The following SNAPC4 variants were observed in gnomAD, a reference collection of about 807,000 sequenced individuals.
SNAPC4 encodes snRNA-activating protein complex subunit 4.
In SNAPC4, 127 loss-of-function variants were observed where a neutral mutation model predicts 151.3. That is an observed-to-expected ratio of 0.84 (90% CI 0.73 to 0.97). SNAPC4 has a LOEUF of 0.97. SNAPC4 is among the 50% of genes least tolerant of loss of function. The pLI, the probability that SNAPC4 is intolerant of heterozygous loss-of-function variation, is 0.00. For missense variants in SNAPC4, 2,186 were observed against 1,935.0 expected (o/e 1.13, Z -2.43); for synonymous variants, 1,002 against 824.4 (o/e 1.22, Z -3.69).
intron 1 of SNAPC4, among the ~76,000 whole-genome samples, chr9:136,399,015 C>T (rs1328582792): frequency 6.6e-6 from 1 of 152,226 alleles, no homozygotes; most frequent in South Asian, 2.1e-4. Flanking sequence ...TCCAGAACAA[C>T]GCCTGGAACG....
Position 136,380,510 on chromosome 9 carries a change from G to A in SNAPC4, c.2499+230C>T, listed in dbSNP as rs570546794. 2.6e-5 allele frequency among the ~76,000 whole-genome samples: 4 copies of A among 152,338 alleles called. No individual in the cohort carries two copies. In the East Asian group the frequency reaches 7.7e-4, roughly 29 times the overall value. ...GCGCCCATGTCCATGACCGCCCAGCGGGGCTATGGGGGAAAACAGGCACGT... is the reference window on the plus strand; with the variant it reads ...GCGCCCATGTCCATGACCGCCCAGCAGGGCTATGGGGGAAAACAGGCACGT... On this transcript the variant is annotated intron_variant, in intron 20 of 23. Transcript: ENST00000684778.
At chr9:136,388,724 C>CCT in intron 10 of SNAPC4, 133 bp from the exon 11 acceptor site, 1 of 972,104 alleles carries the variant, frequency 1.0e-6, no homozygotes, top group Non-Finnish European at 1.6e-6. Context: ...CAGCTCTCCT[C>CCT]CTCCCAGACT....
chr9:136,380,016 T>G, intron 20 of SNAPC4, 152 bp from the exon 21 acceptor site: 1 of 1,454,130 alleles, frequency 6.9e-7, no homozygotes, highest in Non-Finnish European at 9.5e-7. Context: ...CTGTAGGAAC[T>G]CCGGGGCCAC....
intron 10 of SNAPC4, among the ~76,000 whole-genome samples, chr9:136,390,015 A>C (rs150936451): frequency 6.6e-6 from 1 of 152,172 alleles, no homozygotes; most frequent in Non-Finnish European, 1.5e-5. Context: ...TGGATGGAAG[A>C]CAGTTGAATT....
At position 136,377,804 on chromosome 9, in the gene SNAPC4, G is replaced by A. The variant is rs199498252; in HGVS notation, c.4023C>T (p.Ala1341=). 193 of 1,611,644 alleles carry A rather than the reference G, an allele frequency of 1.2e-4. 1 individual carries two copies. The highest frequency in any genetic ancestry group is 2.4e-4 in the South Asian group (22 of 91,058). Residue 1341 remains alanine (A), a synonymous_variant, in exon 22 of 24, where the codon GCC becomes GCT. Coordinates refer to ENST00000684778, the MANE Select transcript of SNAPC4 (RefSeq NM_003086.4). Reference sequence around the variant, plus strand: ...GCCCCAGTGAGGCTTGCAGTGCTCCGGCCGGCCGCTCAGCCTCGCCCCCCA... The same window carrying A: ...GCCCCAGTGAGGCTTGCAGTGCTCCAGCCGGCCGCTCAGCCTCGCCCCCCA... ...LVVGGEAERP[A]GALQASLGLV... is the part of the protein sequence containing the mutation.
chr9:136,388,109 A>C (rs1020335907), intron 11 of SNAPC4, among the ~76,000 whole-genome samples: 7 of 152,136 alleles, frequency 4.6e-5, no homozygotes, highest in African/African-American at 1.4e-4. Context: ...CTCTACTAAA[A>C]ATACAAAATT....
At position 136,389,433 on chromosome 9, in the gene SNAPC4, C is replaced by T. The variant is rs188172210; in HGVS notation, c.976-842G>A. On this transcript the variant is annotated intron_variant, in intron 10 of 23. Coordinates refer to ENST00000684778, the MANE Select transcript of SNAPC4 (RefSeq NM_003086.4). The stretch of plus-strand genomic sequence containing the variant: ...GGGCACGCAGAGCTGGATGTGGTGC[C>T]GCTGAGCTGTGAGTTTTGCTTCCAA... 2.9e-3 allele frequency among the ~76,000 whole-genome samples: 442 copies of T among 152,214 alleles called. 13 individuals are homozygous for T. The highest frequency in any genetic ancestry group is 0.027 in the Admixed American group (414 of 15,282).
chr9:136,393,818 G>A (rs1031739847), intron 7 of SNAPC4, among the ~76,000 whole-genome samples: 3 of 152,246 alleles, frequency 2.0e-5, no homozygotes, highest in African/African-American at 4.8e-5. Flanking sequence ...ATCTCTCCAT[G>A]GCCTGGCAAG....
At chr9:136,399,168 A>C (rs1356288725) in intron 1 of SNAPC4, among the ~76,000 whole-genome samples, 4 of 152,262 alleles carry the variant, frequency 2.6e-5, no homozygotes, top group African/African-American at 9.6e-5. Context: ...TCACTAGCAC[A>C]GACCCGGGAG....
In SNAPC4 at chr9:136,383,344, C is replaced by T; in HGVS notation, c.1825G>A (p.Gly609Ser). 2 of 1,609,210 alleles carry T rather than the reference C, an allele frequency of 1.2e-6. No individual in the cohort carries two copies. Among genetic ancestry groups the T allele is most frequent in the Non-Finnish European group, 1.7e-6 (2 of 1,178,366 alleles). Residue 609 changes from glycine (G) to serine (S), a missense_variant, in exon 16 of 24, where the codon GGC becomes AGC. Coordinates refer to ENST00000684778, the MANE Select transcript of SNAPC4 (RefSeq NM_003086.4). This position sits in a 1 kb window ranked among gnomAD's most constrained non-coding sequence, Gnocchi z 4.2. ...SPPKGSSASQ[G>S]GSKEASTTAA... Reference sequence around the variant, plus strand: ...GTGGTGGAAGCTTCCTTGCTGCCGCCCTGGCTGGCACTGGACCCCTTGGGA... The same window carrying T: ...GTGGTGGAAGCTTCCTTGCTGCCGCTCTGGCTGGCACTGGACCCCTTGGGA...
chr9:136,377,935 CCAG>C lies in SNAPC4; in HGVS notation c.3889_3891del (p.Leu1297del). On this transcript the variant is annotated inframe_deletion, in exon 22 of 24. Transcript: ENST00000684778. ...GGGGGCTGATAGGGCAGTCTGCTGCCCAGAAGAGGCACACGCACCCCCCGCTGG... is the reference window on the plus strand; with the variant it reads ...GGGGGCTGATAGGGCAGTCTGCTGCCAAGAGGCACACGCACCCCCCGCTGG... 1 of 1,607,504 alleles carries C rather than the reference CCAG, an allele frequency of 6.2e-7. No individual in the cohort carries two copies. The highest frequency in any genetic ancestry group is 1.1e-5 in the South Asian group (1 of 90,992).
chr9:136,398,499 T>C, intron 1 of SNAPC4, 62 bp from the exon 2 acceptor site: 2 of 1,575,420 alleles, frequency 1.3e-6, no homozygotes, highest in Non-Finnish European at 1.7e-6. Flanking sequence ...CCCATTCTCC[T>C]TCAGACACAC....
At chr9:136,388,764 T>G (rs73670247) in intron 10 of SNAPC4, among the ~76,000 whole-genome samples, 173 bp from the exon 11 acceptor site, 1 of 152,134 alleles carries the variant, frequency 6.6e-6, no homozygotes, top group Non-Finnish European at 1.5e-5. Context: ...CACCCCACGG[T>G]AGGAAGACAA....
In SNAPC4 at chr9:136,382,369, G is replaced by A. The variant is rs374285118; in HGVS notation, c.1984-33C>T. 21 of 1,585,236 alleles carry A rather than the reference G, an allele frequency of 1.3e-5. No homozygotes were observed. The African/African-American group carries it at 1.5e-4, about 11-fold the overall frequency. ...GAAAGCTGCCTGAGGCGAGGCACGC[G>A]GGGTGTACGGGACACATGGGGGCCC... On this transcript the variant is annotated intron_variant, in intron 16 of 23. Transcript: ENST00000684778.
chr9:136,394,856 G>A lies in SNAPC4; in HGVS notation c.494C>T (p.Thr165Ile), dbSNP rs139211915. The A allele has an allele frequency of 1.2e-5, 19 of 1,613,780 alleles. No individual in the cohort carries two copies. The African/African-American group carries it at 1.9e-4, about 16-fold the overall frequency. Residue 165 changes from threonine (T) to isoleucine (I), a missense_variant, in exon 6 of 24, where the codon ACA becomes ATA. Transcript: ENST00000684778. ...GATCCCCTGGGCAGCCTTCTCTCGT[G>A]TGTCCTCGTTGGCAGGTGGCCCCTG... ...TGVGPPANED[T>I]REKAAQGIKA... is the part of the protein sequence containing the mutation.
intron 2 of SNAPC4, among the ~76,000 whole-genome samples, chr9:136,398,052 C>G (rs1219359495): frequency 1.3e-5 from 2 of 152,090 alleles, no homozygotes; most frequent in East Asian, 3.9e-4. Context: ...CTGGTCCAAG[C>G]AGCACCAGCC....
At chr9:136,397,915 G>C (rs1273332837) in intron 2 of SNAPC4, among the ~76,000 whole-genome samples, 1 of 152,056 alleles carries the variant, frequency 6.6e-6, no homozygotes, top group Non-Finnish European at 1.5e-5. Flanking sequence ...GCCAGGCCCA[G>C]ACCCTGGGAT....
intron 1 of SNAPC4, among the ~76,000 whole-genome samples, chr9:136,399,015 C>A (rs1328582792): frequency 6.6e-6 from 1 of 152,226 alleles, no homozygotes; most frequent in South Asian, 2.1e-4. Flanking sequence ...TCCAGAACAA[C>A]GCCTGGAACG....
rs1399912029 is a variant in SNAPC4 at position 136,378,825 on chromosome 9, G to C, written c.3002C>G (p.Pro1001Arg). The C allele has an allele frequency of 6.3e-7, 1 of 1,598,660 alleles. No homozygotes were observed. Among genetic ancestry groups the C allele is most frequent in the Non-Finnish European group, 8.5e-7 (1 of 1,172,438 alleles). ...CAGGGCAGGGGCTTGGGAAGCAGCA[G>C]GGGCTGTGCCCTCGGCCTCTGAGAA... ...PVFSEAEGTAPAASQAPALGP... is the reference protein window; with the variant it reads ...PVFSEAEGTARAASQAPALGP... The change falls in exon 22 of 24, where the codon CCT (proline) becomes CGT (arginine). Residue 1001 changes from proline (P) to arginine (R), a missense_variant. Coordinates refer to ENST00000684778, the MANE Select transcript of SNAPC4 (RefSeq NM_003086.4).
Sources: gnomAD v4.1 joint callset for allele counts (sites outside exome capture counted in the v4.1 genomes callset) on GRCh38, gnomAD v4.1.1 for gene constraint, Gnocchi (gnomAD v3.1) non-coding constraint, MANE v1.5 for transcripts, NCBI Gene and HGNC (gene_info 2026-07-23, HGNC 2026-07-21) for gene names.